GFPT2: variants seen among roughly 807,000 people sequenced by gnomAD.
GFPT2 encodes glutamine--fructose-6-phosphate aminotransferase [isomerizing] 2.
GFPT2 carries 62 observed loss-of-function variants against 85.6 expected under a neutral mutation model. The observed-to-expected ratio is 0.72, with a 90% CI of 0.59 to 0.90. The LOEUF (loss-of-function observed/expected upper bound fraction) is 0.90. Among genes scored for constraint, GFPT2 ranks in the 40% least tolerant of loss-of-function variants. The pLI, the probability that GFPT2 is intolerant of heterozygous loss-of-function variation, is 0.00. For synonymous variants in GFPT2, 368 were observed against 344.5 expected, an observed-to-expected ratio of 1.07 and a Z score of -0.75; for missense variants, 788 against 893.4, an observed-to-expected ratio of 0.88 and a Z score of 1.50.
At chr5:180,338,354 G>A in intron 2 of GFPT2, 139 bp downstream of exon 2, 2 of 488,020 alleles carry the variant, frequency 4.1e-6, no homozygotes, top group Non-Finnish European at 3.7e-6. Flanking sequence ...ACGGACAAGT[G>A]TTATTTTTAT....
chr5:180,322,496 C>T (rs1014845488), intron 9 of GFPT2, among the ~76,000 whole-genome samples: 9 of 151,932 alleles, frequency 5.9e-5, no homozygotes, highest in South Asian at 2.1e-4. Flanking sequence ...GTTCACCTAA[C>T]GTTTGCTGAC....
chr5:180,313,388 G>A (rs1323412048), intron 14 of GFPT2, among the ~76,000 whole-genome samples: 4 of 150,434 alleles, frequency 2.7e-5, no homozygotes, highest in Non-Finnish European at 5.9e-5. Context: ...TCAGGAGATC[G>A]AGACCATCCC....
At chr5:180,352,239 G>A (rs1561886843) in intron 1 of GFPT2, 1 of 361,136 alleles carries the variant, frequency 2.8e-6, no homozygotes, top group East Asian at 8.3e-5. Flanking sequence ...CCCCACCCCG[G>A]CCCTCAGCAA....
rs1291371567 is a variant in GFPT2 at position 180,321,679 on chromosome 5, TTG to T, written c.794+2507_794+2508del. On this transcript the variant is annotated intron_variant, in intron 9 of 18. Coordinates refer to ENST00000253778, the MANE Select transcript of GFPT2 (RefSeq NM_005110.4). ...CCTGCCATTCCTTTCTCAGCATGTG[TTG>T]TCTTTCTTATCTCTACACTACACGC... is the stretch of plus-strand genomic sequence containing the variant. Among the ~76,000 whole-genome samples, 4 of 152,378 alleles carry T rather than the reference TTG, an allele frequency of 2.6e-5. No homozygotes were observed. The East Asian group carries it at 7.7e-4, about 29-fold the overall frequency.
At chr5:180,345,892 GA>G (rs1458853693) in intron 1 of GFPT2, among the ~76,000 whole-genome samples, 1 of 152,156 alleles carries the variant, frequency 6.6e-6, no homozygotes, top group African/African-American at 2.4e-5. Flanking sequence ...CTGAGTGCCA[GA>G]CCCTTACAAT....
chr5:180,340,182 A>AG (rs1184928082), intron 1 of GFPT2, among the ~76,000 whole-genome samples: 2 of 145,724 alleles, frequency 1.4e-5, no homozygotes, highest in Non-Finnish European at 3.1e-5. Context: ...GTCTCTCTGG[A>AG]GGTTTTTTTT....
At chr5:180,349,519 T>C (rs1273433893) in intron 1 of GFPT2, among the ~76,000 whole-genome samples, 1 of 152,024 alleles carries the variant, frequency 6.6e-6, no homozygotes, top group Admixed American at 6.6e-5. Context: ...GGGAATCCCC[T>C]GAGGAGACAG....
rs185342470 is a variant in GFPT2 at position 180,351,238 on chromosome 5, T to C, written c.7+1973A>G. Among the ~76,000 whole-genome samples, 111 of 152,354 alleles carry C rather than the reference T, an allele frequency of 7.3e-4. 2 individuals carry two copies. In the East Asian group the frequency reaches 0.017, roughly 23 times the overall value. On this transcript the variant is annotated intron_variant, in intron 1 of 18. Coordinates refer to ENST00000253778, the MANE Select transcript of GFPT2 (RefSeq NM_005110.4). ...AATGTATTCAATTCTAGCCAGCTGC[T>C]GCTGCCTGCTCTGAGCCAGGAATGG...
intron 1 of GFPT2, among the ~76,000 whole-genome samples, chr5:180,348,223 G>A (rs1273899880): frequency 6.6e-6 from 1 of 152,252 alleles, no homozygotes; most frequent in African/African-American, 2.4e-5. Context: ...GAAGAGTACG[G>A]CCAGTTGAAT....
chr5:180,327,411 G>A (rs959054675), intron 7 of GFPT2, among the ~76,000 whole-genome samples: 3 of 152,186 alleles, frequency 2.0e-5, no homozygotes, highest in Admixed American at 6.5e-5. Context: ...CGGGGATCCT[G>A]GGAGGTCCCA....
In GFPT2 at chr5:180,316,684, C is replaced by T. The variant is rs572134133; in HGVS notation, c.1152+80G>A. The T allele has an allele frequency of 4.6e-5, 49 of 1,058,462 alleles. No individual in the cohort carries two copies. The African/African-American group carries it at 6.3e-4, about 14-fold the overall frequency. 65.6% of individuals were successfully genotyped at this position (1,058,462 alleles called of 1,614,324 possible). ...CAAGGGCTTAGCCAAATTCAGAAGG[C>T]CACATGAGTGATAAAACTGAAGGCC... On this transcript the variant is annotated intron_variant, in intron 12 of 18. Transcript: ENST00000253778.
chr5:180,350,127 G>A (rs34236296), intron 1 of GFPT2, among the ~76,000 whole-genome samples: 10,660 of 152,030 alleles, frequency 0.07, 513 homozygotes, highest in African/African-American at 0.14. Flanking sequence ...TTCTTCCTAG[G>A]AAGGTCAGCT....
In GFPT2 at chr5:180,333,902, A is replaced by G. The variant is rs1764352922; in HGVS notation, c.340+1926T>C. ...CTACACTGAAGTGGGGGATTTTCCA[A>G]TGAGGTTCATTTTATCACTGGGAAG... On this transcript the variant is annotated intron_variant, in intron 4 of 18. Coordinates refer to ENST00000253778, the MANE Select transcript of GFPT2 (RefSeq NM_005110.4). 5.3e-5 allele frequency among the ~76,000 whole-genome samples: 8 copies of G among 152,220 alleles called. 1 individual carries two copies. The South Asian group carries it at 1.7e-3, about 32-fold the overall frequency.
chr5:180,340,708 G>A (rs1764498966), intron 1 of GFPT2, among the ~76,000 whole-genome samples: 1 of 150,290 alleles, frequency 6.7e-6, no homozygotes, highest in Non-Finnish European at 1.5e-5. Flanking sequence ...TAGAGATGGG[G>A]TTTCACCATG....
chr5:180,327,191 C>G (rs1186516021), intron 7 of GFPT2, among the ~76,000 whole-genome samples: 1 of 152,176 alleles, frequency 6.6e-6, no homozygotes, highest in South Asian at 2.1e-4. Context: ...AGATGAAGCC[C>G]GCAGCCCACA....
chr5:180,320,142 G>C (rs1051954235), intron 9 of GFPT2, among the ~76,000 whole-genome samples: 1 of 151,962 alleles, frequency 6.6e-6, no homozygotes, highest in African/African-American at 2.4e-5. Flanking sequence ...ACAGGTGCCC[G>C]ACACCATGCC....
At chr5:180,329,311 A>AG (rs774067122) in intron 6 of GFPT2, among the ~76,000 whole-genome samples, 4 of 152,182 alleles carry the variant, frequency 2.6e-5, no homozygotes, top group Non-Finnish European at 5.9e-5. Context: ...GCCCCAAACC[A>AG]GGGGGCTTCA....
At chr5:180,321,776 TG>T (rs1429585745) in intron 9 of GFPT2, among the ~76,000 whole-genome samples, 2 of 144,768 alleles carry the variant, frequency 1.4e-5, no homozygotes, top group African/African-American at 5.6e-5. Context: ...TGTTTTGTTT[TG>T]TTTTGTTTTG....
intron 9 of GFPT2, among the ~76,000 whole-genome samples, chr5:180,322,169 A>T (rs1764134168): frequency 6.6e-6 from 1 of 152,152 alleles, no homozygotes; most frequent in Non-Finnish European, 1.5e-5. Flanking sequence ...GTAATCATTA[A>T]ATTAGTTTTA....
Sources: allele counts gnomAD v4.1 joint callset (sites outside exome capture counted in the v4.1 genomes callset), GRCh38; gene constraint gnomAD v4.1.1; transcripts MANE v1.5; gene names NCBI Gene and HGNC (gene_info 2026-07-23, HGNC 2026-07-21).